Variants in MTRF1 observed in about 807,000 individuals in gnomAD.
MTRF1 encodes the protein mitochondrial translation release factor 1, also known as peptide chain release factor 1, mitochondrial.
MTRF1 carries 51 observed loss-of-function variants against 62.9 expected under a neutral mutation model. The observed-to-expected ratio is 0.81, with a 90% CI of 0.65 to 1.02. The LOEUF (loss-of-function observed/expected upper bound fraction) is 1.02, where lower values mean the gene tolerates loss of function less well. Ranked by LOEUF, MTRF1 falls within the 50% of genes least tolerant of loss-of-function variation. The pLI, the probability that MTRF1 is intolerant of heterozygous loss-of-function variation, is 0.00. For synonymous variants in MTRF1, 158 were observed against 181.9 expected, an observed-to-expected ratio of 0.87 and a Z score of 1.06; for missense variants, 446 against 530.0, an observed-to-expected ratio of 0.84 and a Z score of 1.56.
intron 5 of MTRF1, among the ~76,000 whole-genome samples, chr13:41,249,543 A>G (rs1441236565): frequency 6.6e-6 from 1 of 151,950 alleles, no homozygotes; most frequent in South Asian, 2.1e-4. Flanking sequence ...TCTGCCTCAA[A>G]AAAGAAAGAA....
At chr13:41,253,967 C>T (rs2039399040) in intron 3 of MTRF1, among the ~76,000 whole-genome samples, 1 of 152,126 alleles carries the variant, frequency 6.6e-6, no homozygotes, top group Non-Finnish European at 1.5e-5. Flanking sequence ...GACAAACCAT[C>T]CATTAAGCAA....
At chr13:41,253,157 A>C (rs566187381) in intron 3 of MTRF1, 127 bp from the exon 4 acceptor site, 4 of 650,360 alleles carry the variant, frequency 6.2e-6, no homozygotes, top group Admixed American at 7.0e-5. Context: ...CAAACAGGGT[A>C]TTCCAAAAAT....
At chr13:41,224,559 T>C (rs1381042034) in intron 8 of MTRF1, among the ~76,000 whole-genome samples, 1 of 152,212 alleles carries the variant, frequency 6.6e-6, no homozygotes, top group African/African-American at 2.4e-5. Context: ...TCATCTCTTC[T>C]GACAATCAGC....
chr13:41,233,838 CT>C, intron 7 of MTRF1, 51 bp downstream of exon 7: 2 of 1,401,626 alleles, frequency 1.4e-6, no homozygotes, highest in Non-Finnish European at 2.0e-6. Flanking sequence ...CTTCCAAATG[CT>C]GAGTAAGATG....
intron 2 of MTRF1, among the ~76,000 whole-genome samples, chr13:41,257,346 G>C (rs569593056): frequency 2.6e-5 from 4 of 152,234 alleles, no homozygotes; most frequent in African/African-American, 9.6e-5. Context: ...GGAATTGATT[G>C]CAATCAGCTA....
intron 8 of MTRF1, among the ~76,000 whole-genome samples, chr13:41,223,661 T>C (rs2033846863): frequency 6.6e-6 from 1 of 152,200 alleles, no homozygotes; most frequent in African/African-American, 2.4e-5. Flanking sequence ...GTACCATGTA[T>C]TCTCTTTTAT....
chr13:41,252,597 A>G (rs777605761), intron 5 of MTRF1, 48 bp downstream of exon 5: 1 of 1,428,424 alleles, frequency 7.0e-7, no homozygotes, highest in Non-Finnish European at 9.8e-7. Flanking sequence ...GATCAGAGGT[A>G]AAATAATTTT....
At chr13:41,236,985 A>C (rs947578163) in intron 6 of MTRF1, among the ~76,000 whole-genome samples, 1 of 152,176 alleles carries the variant, frequency 6.6e-6, no homozygotes, top group Non-Finnish European at 1.5e-5. Context: ...CGGGTGGCCA[A>C]GGCAGGCAGA....
At chr13:41,268,004 C>T (rs183132176), upstream of MTRF1, among the ~76,000 whole-genome samples, 9 of 152,044 alleles carry the variant, frequency 5.9e-5, no homozygotes, top group East Asian at 3.9e-4. Context: ...ATCTTCAAAC[C>T]GGTTGGCATC....
the MTRF1 span, among the ~76,000 whole-genome samples, chr13:41,284,145 C>T: frequency 2.0e-5 from 3 of 151,776 alleles, no homozygotes; most frequent in Non-Finnish European, 2.9e-5. Flanking sequence ...AGTTCAAGAC[C>T]AGCCTGGGCA....
chr13:41,253,650 C>A (rs1266170331), intron 3 of MTRF1, among the ~76,000 whole-genome samples: 1 of 152,076 alleles, frequency 6.6e-6, no homozygotes, highest in African/African-American at 2.4e-5. Flanking sequence ...TTTTTCAAAT[C>A]AAAGTAAAAG....
At chr13:41,285,620 C>G in the MTRF1 span, among the ~76,000 whole-genome samples, 1 of 152,160 alleles carries the variant, frequency 6.6e-6, no homozygotes, top group Non-Finnish European at 1.5e-5. Flanking sequence ...TACAAAGACT[C>G]TTTCAGACAG....
At chr13:41,244,346 C>A (rs1268102213) in intron 5 of MTRF1, among the ~76,000 whole-genome samples, 5 of 152,118 alleles carry the variant, frequency 3.3e-5, no homozygotes, top group Non-Finnish European at 7.4e-5. Flanking sequence ...GGGTCTTTTC[C>A]CTTTTTTGTA....
intron 5 of MTRF1, among the ~76,000 whole-genome samples, chr13:41,246,090 A>C (rs1366171541): frequency 6.6e-6 from 1 of 152,166 alleles, no homozygotes; most frequent in Non-Finnish European, 1.5e-5. Flanking sequence ...TCCCAGCTCC[A>C]GCTCATGTTC....
the MTRF1 span, among the ~76,000 whole-genome samples, chr13:41,276,467 T>G: frequency 6.6e-6 from 1 of 152,158 alleles, no homozygotes; most frequent in African/African-American, 2.4e-5. Context: ...CCACCACACC[T>G]GGCCAAATCA....
At chr13:41,259,828 T>C (rs2040226576) in intron 2 of MTRF1, among the ~76,000 whole-genome samples, 1 of 152,182 alleles carries the variant, frequency 6.6e-6, no homozygotes, top group African/African-American at 2.4e-5. Context: ...CCTCTCCTCT[T>C]TGCTCCCATG....
At chr13:41,225,512 A>G (rs771924375) in intron 8 of MTRF1, among the ~76,000 whole-genome samples, 1 of 152,230 alleles carries the variant, frequency 6.6e-6, no homozygotes, top group Non-Finnish European at 1.5e-5. Context: ...TATTACCTGC[A>G]AGTTAGCGTG....
chr13:41,233,742 G>T, intron 7 of MTRF1, 148 bp downstream of exon 7: 3 of 663,174 alleles, frequency 4.5e-6, no homozygotes. Context: ...AGGGAAATAT[G>T]AACACAATAG....
At chr13:41,230,182 A>T (rs181891795) in intron 7 of MTRF1, among the ~76,000 whole-genome samples, 2,437 of 151,940 alleles carry the variant, frequency 0.016, 79 homozygotes, top group African/African-American at 0.055. Context: ...ATTTGAAAGG[A>T]TGTATACCAA....
Sources: allele counts gnomAD v4.1 joint callset (sites outside exome capture counted in the v4.1 genomes callset), GRCh38; gene constraint gnomAD v4.1.1; transcripts MANE v1.5; gene names NCBI Gene and HGNC (gene_info 2026-07-23, HGNC 2026-07-21).